ABCA12: variants seen among roughly 807,000 people sequenced by gnomAD.
The protein encoded by ABCA12 is glucosylceramide transporter ABCA12.
Under a neutral mutation model 293.5 loss-of-function variants are expected in ABCA12, and 156 were observed. That is an observed-to-expected ratio of 0.53 (90% CI 0.47 to 0.61). The LOEUF is 0.61. Ranked by LOEUF, ABCA12 falls within the 20% of genes least tolerant of loss-of-function variation. The pLI is 0.00. For missense variants in ABCA12, 2,797 were observed against 3,090.2 expected (o/e 0.91, Z 2.25); for synonymous variants, 1,063 against 1,108.0 (o/e 0.96, Z 0.81).
chr2:215,098,440 C>T (rs1305198911), intron 2 of ABCA12, among the ~76,000 whole-genome samples: 1 of 152,158 alleles, frequency 6.6e-6, no homozygotes, highest in African/African-American at 2.4e-5. Flanking sequence ...GCAAATATGA[C>T]AGAATAATAA....
At chr2:215,047,996 A>G (rs370079521) in intron 6 of ABCA12, among the ~76,000 whole-genome samples, 99 of 152,208 alleles carry the variant, frequency 6.5e-4, no homozygotes, top group African/African-American at 2.3e-3. Flanking sequence ...ACTCCACTAA[A>G]AAGTGGGCAA....
In ABCA12 at chr2:214,965,165, G is replaced by A. The variant is rs200754711; in HGVS notation, c.5884+1683C>T. Among the ~76,000 whole-genome samples the A allele has an allele frequency of 1.6e-4, 24 of 152,200 alleles. No individual in the cohort carries two copies. In the East Asian group the frequency reaches 1.9e-3, roughly 12 times the overall value. ...TTTAATAAATGATGCTGGGAGAACC[G>A]GCTAGCCATATGCAGAAAATTGAAA... On this transcript the variant is annotated intron_variant, in intron 39 of 52. Transcript: ENST00000272895.
rs1699897966 is a variant in ABCA12 at position 214,990,935 on chromosome 2, T to C, written c.3391A>G (p.Ile1131Val). ...FLLVTIVILI[I>V]ILKFGNILPK... The stretch of plus-strand genomic sequence containing the variant: ...AGAATATTGCCAAACTTGAGTATAA[T>C]GATGAGGATCACGATGGTAACCAGT... Residue 1131 changes from isoleucine (I) to valine (V), a missense_variant, in exon 24 of 53, where the codon ATT becomes GTT. Physicochemically the swap from Ile to Val is conservative, Grantham distance 29. Transcript: ENST00000272895. 4 of 1,614,028 alleles carry C rather than the reference T, an allele frequency of 2.5e-6. No homozygotes were observed. Among genetic ancestry groups the C allele is most frequent in the South Asian group, 1.1e-5 (1 of 91,072 alleles).
intron 1 of ABCA12, among the ~76,000 whole-genome samples, chr2:215,121,668 A>G (rs990393306): frequency 8.5e-5 from 13 of 152,088 alleles, no homozygotes; most frequent in African/African-American, 2.9e-4. Flanking sequence ...CTCATGTTGA[A>G]TTGTAGCTCC....
chr2:215,131,833 G>A (rs1198882581), intron 1 of ABCA12, among the ~76,000 whole-genome samples: 1 of 148,690 alleles, frequency 6.7e-6, no homozygotes, highest in Admixed American at 6.8e-5. Context: ...ATGTTAAATT[G>A]TTAATTTGAG....
intron 8 of ABCA12, chr2:215,032,269 C>A: frequency 1.0e-5 from 3 of 287,592 alleles, no homozygotes; most frequent in South Asian, 6.7e-5. Context: ...CAATTTTAGT[C>A]TTATGGGTCA....
intron 9 of ABCA12, among the ~76,000 whole-genome samples, chr2:215,030,847 A>C (rs2106029457): frequency 6.6e-6 from 1 of 152,372 alleles, no homozygotes; most frequent in Admixed American, 6.5e-5. Context: ...TCTATTTTAG[A>C]AAAAGAAAAA....
At chr2:215,055,982 G>A (rs549267434) in intron 3 of ABCA12, among the ~76,000 whole-genome samples, 6 of 152,024 alleles carry the variant, frequency 3.9e-5, no homozygotes, top group African/African-American at 1.4e-4. Context: ...TCTTTTTCTC[G>A]ACATTTTTTT....
chr2:215,026,895 AT>A lies in ABCA12; in HGVS notation c.1104del (p.Ser369GlnfsTer13). On this transcript the variant is annotated frameshift_variant, in exon 10 of 53. Coordinates refer to ENST00000272895, the MANE Select transcript of ABCA12 (RefSeq NM_173076.3). LOFTEE classifies it high-confidence loss of function. ...LENFEDALLN[I>X]SANSPYIPYL... ...TAAGGAATATAAGGACTATTTGCTG[AT>A]ATATTTAAGAGGGCATCTTCAAAGT... 1 of 1,613,406 alleles carries A rather than the reference AT, an allele frequency of 6.2e-7. No homozygotes were observed. Among genetic ancestry groups the A allele is most frequent in the Non-Finnish European group, 8.5e-7 (1 of 1,179,334 alleles).
At chr2:214,960,431 A>C (rs1276602959) in intron 39 of ABCA12, 2 of 152,078 alleles carry the variant, frequency 1.3e-5, no homozygotes, top group Non-Finnish European at 2.9e-5. Flanking sequence ...GAATCCTTGC[A>C]AATACATTTT....
At chr2:215,044,054 G>T (rs577981536) in intron 7 of ABCA12, among the ~76,000 whole-genome samples, 1 of 142,446 alleles carries the variant, frequency 7.0e-6, no homozygotes, top group South Asian at 2.1e-4. Flanking sequence ...ACCACAATTT[G>T]TTTTGCCATT....
rs746892821 is a variant in ABCA12 at position 215,011,613 on chromosome 2, C to T, written c.2158G>A (p.Gly720Arg). The T allele has an allele frequency of 1.2e-6, 2 of 1,614,020 alleles. No homozygotes were observed. Among genetic ancestry groups the T allele is most frequent in the East Asian group, 2.2e-5 (1 of 44,866 alleles). Residue 720 changes from glycine (G) to arginine (R), a missense_variant, in exon 17 of 53, where the codon GGA (glycine) becomes AGA (arginine). This residue lies in a region of ABCA12 where 2,130 missense variants were observed against 2,427.0 expected (regional missense o/e 0.88). Coordinates refer to ENST00000272895, the MANE Select transcript of ABCA12 (RefSeq NM_173076.3). ...YRSNRMNTPQ[G>R]SFSTISQALC... is the part of the protein sequence containing the mutation. ...GCTTGGGAGATGGTGCTAAATGATC[C>T]TTGTGGTGTGTTCATTCGGTTGCTT... is the stretch of plus-strand genomic sequence containing the variant.
chr2:215,012,077 CTTAT>C lies in ABCA12; in HGVS notation c.2011_2014del (p.Ile671AspfsTer2). ...CATCTGATTGAGAATCTCTTTTAGTCTTATGAAGAGCTCCATCATCTTTTCTACT... is the reference window on the plus strand; with the variant it reads ...CATCTGATTGAGAATCTCTTTTAGTCGAAGAGCTCCATCATCTTTTCTACT... On this transcript the variant is annotated frameshift_variant, in exon 16 of 53. Coordinates refer to ENST00000272895, the MANE Select transcript of ABCA12 (RefSeq NM_173076.3). LOFTEE classifies it high-confidence loss of function. 1 of 1,613,832 alleles carries C rather than the reference CTTAT, an allele frequency of 6.2e-7. No homozygotes were observed. Among genetic ancestry groups the C allele is most frequent in the Non-Finnish European group, 8.5e-7 (1 of 1,179,852 alleles).
chr2:215,126,891 A>C (rs1465318989), intron 1 of ABCA12, among the ~76,000 whole-genome samples: 3 of 151,728 alleles, frequency 2.0e-5, no homozygotes, highest in African/African-American at 7.3e-5. Context: ...TTAGAGTGTC[A>C]ATTTGTGCTC....
At chr2:214,937,708 C>T (rs1157483225) in intron 50 of ABCA12, 93 bp from the exon 51 acceptor site, 23 of 864,670 alleles carry the variant, frequency 2.7e-5, no homozygotes, top group South Asian at 8.4e-5. Flanking sequence ...CCCAAGCCAA[C>T]CATTATATCA....
intron 13 of ABCA12, among the ~76,000 whole-genome samples, chr2:215,018,860 C>A (rs897487628): frequency 6.6e-6 from 1 of 152,100 alleles, no homozygotes; most frequent in African/African-American, 2.4e-5. Context: ...ATTCTGAATG[C>A]CTTTCCTTTC....
chr2:215,137,023 G>C (rs1480992112), intron 1 of ABCA12, among the ~76,000 whole-genome samples: 1 of 151,726 alleles, frequency 6.6e-6, no homozygotes, highest in African/African-American at 2.4e-5. Flanking sequence ...ATTATGGGGA[G>C]GTTTTCTTCT....
intron 51 of ABCA12, among the ~76,000 whole-genome samples, chr2:214,936,873 A>G (rs534163611): frequency 3.3e-5 from 5 of 152,160 alleles, no homozygotes; most frequent in African/African-American, 9.6e-5. Context: ...AATATATATA[A>G]TGAGTAGATC....
intron 1 of ABCA12, among the ~76,000 whole-genome samples, chr2:215,123,496 C>T (rs938774299): frequency 6.6e-6 from 1 of 152,166 alleles, no homozygotes; most frequent in Admixed American, 6.5e-5. Flanking sequence ...ATCCAATGAA[C>T]TGTTGGCGGA....
Sources: allele counts gnomAD v4.1 joint callset (sites outside exome capture counted in the v4.1 genomes callset), GRCh38; gene constraint gnomAD v4.1.1; regional missense constraint gnomAD v4.1.1; transcripts MANE v1.5; gene names NCBI Gene and HGNC (gene_info 2026-07-23, HGNC 2026-07-21).